The following DNAJC9 variants were observed in gnomAD, a reference collection of about 807,000 sequenced individuals.
The protein encoded by DNAJC9 is dnaJ homolog subfamily C member 9.
DNAJC9 carries 18 observed loss-of-function variants against 32.4 expected under a neutral mutation model. The ratio of observed to expected loss-of-function variants is 0.56; its 90% CI spans 0.38 to 0.82. The LOEUF (loss-of-function observed/expected upper bound fraction) is 0.82. Among genes scored for constraint, DNAJC9 ranks in the 40% least tolerant of loss-of-function variants. The pLI, the probability that DNAJC9 is intolerant of heterozygous loss-of-function variation, is 0.00. For missense variants in DNAJC9, 310 were observed against 321.8 expected, an observed-to-expected ratio of 0.96 and a Z score of 0.28; for synonymous variants, 113 against 122.1, an observed-to-expected ratio of 0.93 and a Z score of 0.49.
downstream of DNAJC9, chr10:73,239,344 T>A (rs1473083914): frequency 6.4e-7 from 1 of 1,551,758 alleles, no homozygotes; most frequent in East Asian, 2.4e-5. Flanking sequence ...CATGTGCAGT[T>A]GAGTATCCTC....
intron 3 of DNAJC9, chr10:73,244,512 A>G (rs1298701017): frequency 1.3e-5 from 2 of 151,990 alleles, no homozygotes; most frequent in Non-Finnish European, 2.9e-5. Flanking sequence ...GAGAAAAAAA[A>G]AAAAAAAAGG....
In DNAJC9 at chr10:73,247,251, G is replaced by A. The variant is rs572474762; in HGVS notation, c.-62C>T. ...TCCCAGCTGCGCCGGGTACAACCCA[G>A]GACTGCTTCTTTTTCGCGCCCAAAA... On this transcript the variant is annotated 5_prime_UTR_variant, in exon 1 of 5. Transcript: ENST00000372950. 3 of 1,544,066 alleles carry A rather than the reference G, an allele frequency of 1.9e-6. No homozygotes were observed. The highest frequency in any genetic ancestry group is 2.4e-5 in the South Asian group (2 of 84,214).
At chr10:73,235,589 C>A, downstream of DNAJC9, 1 of 501,564 alleles carries the variant, frequency 2.0e-6, no homozygotes, top group Non-Finnish European at 3.2e-6. Context: ...TATTAAATCC[C>A]AGTACACATC....
downstream of DNAJC9, chr10:73,235,290 C>G (rs1177960566): frequency 6.4e-7 from 1 of 1,552,096 alleles, no homozygotes; most frequent in Non-Finnish European, 8.7e-7. Flanking sequence ...GACTTTTTCC[C>G]CAGGCCCAAC....
downstream of DNAJC9, among the ~76,000 whole-genome samples, chr10:73,236,028 G>A (rs2043812763): frequency 6.6e-6 from 1 of 152,188 alleles, no homozygotes; most frequent in African/African-American, 2.4e-5. Flanking sequence ...GCCTGGGGAA[G>A]TAACCAGGGA....
downstream of DNAJC9, chr10:73,235,522 A>T (rs2043802222): frequency 3.3e-6 from 4 of 1,211,312 alleles, no homozygotes; most frequent in East Asian, 1.2e-4. Context: ...CTTATACAGA[A>T]ATCACAAATA....
downstream of DNAJC9, among the ~76,000 whole-genome samples, chr10:73,236,179 T>G (rs2043816605): frequency 6.6e-6 from 1 of 152,038 alleles, no homozygotes; most frequent in Non-Finnish European, 1.5e-5. Context: ...ATATCAGACC[T>G]CTGTATTAGT....
chr10:73,247,079 C>T lies in DNAJC9; in HGVS notation c.111G>A (p.Lys37=). Residue 37 remains lysine, a synonymous_variant, in exon 1 of 5, where the codon AAG becomes AAA. Coordinates refer to ENST00000372950, the MANE Select transcript of DNAJC9 (RefSeq NM_015190.5). The part of the protein sequence containing the change: ...SDGEVRRGYH[K]VSLQVHPDRV... ...GGTCCGGGTGTACCTGCAGGGACAC[C>T]TTGTGGTAGCCTCGTCGGACCTCGC... The T allele has an allele frequency of 6.3e-7, 1 of 1,594,006 alleles. No homozygotes were observed. Among genetic ancestry groups the T allele is most frequent in the Non-Finnish European group, 8.5e-7 (1 of 1,171,448 alleles).
At chr10:73,237,713 C>T (rs2133414593), downstream of DNAJC9, among the ~76,000 whole-genome samples, 1 of 152,262 alleles carries the variant, frequency 6.6e-6, no homozygotes, top group Non-Finnish European at 1.5e-5. Context: ...TGAGCCACCG[C>T]TCTCAGCCAA....
chr10:73,247,045 C>T lies in DNAJC9; in HGVS notation c.145G>A (p.Glu49Lys). 2 of 1,558,640 alleles carry T rather than the reference C, an allele frequency of 1.3e-6. No individual in the cohort carries two copies. The highest frequency in any genetic ancestry group is 4.7e-5 in the East Asian group (2 of 42,458). ...CGGGTGGCGTCCTCCTTGTCGCCCT[C>T]ACCCACCCGGTCCGGGTGTACCTGC... Reference protein sequence around the residue: ...SLQVHPDRVGEGDKEDATRRF... With the variant: ...SLQVHPDRVGKGDKEDATRRF... The change falls in exon 1 of 5, where the codon GAG becomes AAG. Residue 49 changes from glutamate (E) to lysine (K), a missense_variant. Physicochemically the swap from Glu to Lys is moderately conservative, Grantham distance 56. Coordinates refer to ENST00000372950, the MANE Select transcript of DNAJC9 (RefSeq NM_015190.5).
intron 3 of DNAJC9, 72 bp downstream of exon 3, chr10:73,245,850 T>C (rs1361184644): frequency 3.2e-6 from 5 of 1,554,738 alleles, no homozygotes; most frequent in Non-Finnish European, 4.4e-6. Context: ...TGTTTACTTC[T>C]ACTGCTGTAA....
At chr10:73,236,769 C>G (rs1367078866), downstream of DNAJC9, among the ~76,000 whole-genome samples, 17 of 147,622 alleles carry the variant, frequency 1.2e-4, no homozygotes, top group African/African-American at 4.3e-4. Flanking sequence ...GTTGCCCAGG[C>G]TGGAGTGCAG....
chr10:73,241,809 A>G (rs1459430929), downstream of DNAJC9: 1 of 152,234 alleles, frequency 6.6e-6, no homozygotes, highest in Non-Finnish European at 1.5e-5. Context: ...TCTACTATTG[A>G]GCCACCAAAG....
chr10:73,235,418 ACCCAGAATAAAAG>A, downstream of DNAJC9: 1 of 1,487,404 alleles, frequency 6.7e-7, no homozygotes, highest in South Asian at 1.4e-5. Context: ...TAGAGGCTTA[ACCCAGAATAAAAG>A]TTGAGTTTCC....
downstream of DNAJC9, among the ~76,000 whole-genome samples, chr10:73,235,710 T>A (rs192090535): frequency 7.9e-5 from 12 of 152,224 alleles, no homozygotes; most frequent in East Asian, 3.9e-4. Context: ...TAATAAAAAA[T>A]TTTTTTCAGA....
downstream of DNAJC9, chr10:73,235,078 G>C (rs2043792553): frequency 6.9e-7 from 1 of 1,446,970 alleles, no homozygotes; most frequent in Admixed American, 2.1e-5. Context: ...TTATGACGTG[G>C]AATTGGAGCT....
At chr10:73,232,415 A>G (rs7073219) in intron 2 of DNAJC9, among the ~76,000 whole-genome samples, 15,969 of 152,224 alleles carry the variant, frequency 0.1, 1,213 homozygotes, top group East Asian at 0.31. Flanking sequence ...AGCTTTCCAA[A>G]GAACCCAAAC....
chr10:73,234,487 T>C, downstream of DNAJC9: 1 of 272,652 alleles, frequency 3.7e-6, no homozygotes, highest in South Asian at 4.5e-5. Flanking sequence ...TGTCAAGAAT[T>C]CCATCATCAG....
At chr10:73,234,870 A>G (rs1166321623), downstream of DNAJC9, 1 of 1,551,834 alleles carries the variant, frequency 6.4e-7, no homozygotes. Flanking sequence ...CTGAGTCGAA[A>G]TAATCTGCTA....
Sources: gnomAD v4.1 joint callset for allele counts (sites outside exome capture counted in the v4.1 genomes callset) on GRCh38, gnomAD v4.1.1 for gene constraint, MANE v1.5 for transcripts, NCBI Gene and HGNC (gene_info 2026-07-23, HGNC 2026-07-21) for gene names.